Variants in GRM8 observed in about 807,000 individuals in gnomAD.
GRM8 encodes the protein glutamate metabotropic receptor 8, also known as metabotropic glutamate receptor 8.
GRM8 carries 47 observed loss-of-function variants against 87.2 expected under a neutral mutation model. The ratio of observed to expected loss-of-function variants is 0.54; its 90% CI spans 0.43 to 0.69. GRM8 has a LOEUF of 0.69. Ranked by LOEUF, GRM8 falls within the 30% of genes least tolerant of loss-of-function variation. GRM8 has a pLI of 0.00. For missense variants in GRM8, 1,019 were observed against 1,139.2 expected, an observed-to-expected ratio of 0.89 and a Z score of 1.52; for synonymous variants, 396 against 404.5, an observed-to-expected ratio of 0.98 and a Z score of 0.25.
At chr7:126,551,399 C>G (rs1792568468) in intron 8 of GRM8, among the ~76,000 whole-genome samples, 1 of 152,168 alleles carries the variant, frequency 6.6e-6, no homozygotes, top group Admixed American at 6.5e-5. Flanking sequence ...TCCCCTATGA[C>G]TGCCCATGGT....
intron 7 of GRM8, among the ~76,000 whole-genome samples, chr7:126,721,195 G>C (rs1812360331): frequency 6.6e-6 from 1 of 152,110 alleles, no homozygotes; most frequent in African/African-American, 2.4e-5. Context: ...TCAGGGCTTG[G>C]CTTGAATGGT....
intron 2 of GRM8, among the ~76,000 whole-genome samples, chr7:127,153,386 C>A (rs944907253): frequency 5.3e-5 from 8 of 152,082 alleles, no homozygotes; most frequent in Non-Finnish European, 1.5e-5. Flanking sequence ...TGTAGAAGAT[C>A]AAATCCAGAC....
chr7:126,621,731 T>TAA (rs3216288), intron 7 of GRM8, among the ~76,000 whole-genome samples: 19 of 148,166 alleles, frequency 1.3e-4, no homozygotes, highest in Non-Finnish European at 2.2e-4. Context: ...AATCACCATT[T>TAA]AAAAAAAAAA....
chr7:127,089,751 A>G (rs887279204), intron 3 of GRM8, among the ~76,000 whole-genome samples: 1 of 152,234 alleles, frequency 6.6e-6, no homozygotes, highest in Non-Finnish European at 1.5e-5. Context: ...ACAGTGTTGC[A>G]ATCACAGAAT....
chr7:126,895,052 C>T (rs1297690831), intron 6 of GRM8, among the ~76,000 whole-genome samples: 3 of 151,978 alleles, frequency 2.0e-5, no homozygotes, highest in Admixed American at 6.6e-5. Flanking sequence ...CATCTGTGTA[C>T]GTTTCTTTAA....
intron 3 of GRM8, among the ~76,000 whole-genome samples, chr7:127,039,315 A>C (rs1818132827): frequency 6.6e-6 from 1 of 152,138 alleles, no homozygotes; most frequent in Non-Finnish European, 1.5e-5. Flanking sequence ...GGAAATTGGG[A>C]CACAGACACA....
intron 2 of GRM8, among the ~76,000 whole-genome samples, chr7:127,159,193 CTAA>C (rs1184009542): frequency 2.6e-5 from 4 of 152,268 alleles, no homozygotes; most frequent in African/African-American, 9.6e-5. Flanking sequence ...TGTGTGCGAA[CTAA>C]TAATAACAGA....
At chr7:126,963,075 TTTTG>T (rs1242596056) in intron 3 of GRM8, among the ~76,000 whole-genome samples, 4 of 152,084 alleles carry the variant, frequency 2.6e-5, no homozygotes, top group Admixed American at 6.5e-5. Context: ...ACTCACTGAG[TTTTG>T]TTTGTTTGTT....
rs144243971 is a variant in GRM8 at position 126,504,625 on chromosome 7, C to T, written c.2430+28327G>A. ...CACACAATTTACCTATATAACAAAC[C>T]TGCACATGTGCCCCTGAACCCAAAA... On this transcript the variant is annotated intron_variant, in intron 9 of 10. Coordinates refer to ENST00000339582, the MANE Select transcript of GRM8 (RefSeq NM_000845.3). Among the ~76,000 whole-genome samples, 97 of 152,130 alleles carry T rather than the reference C, an allele frequency of 6.4e-4. 1 individual carries two copies. The South Asian group carries it at 7.3e-3, about 11-fold the overall frequency.
At chr7:126,471,929 A>G (rs1805311519) in intron 9 of GRM8, among the ~76,000 whole-genome samples, 2 of 152,092 alleles carry the variant, frequency 1.3e-5, no homozygotes, top group African/African-American at 2.4e-5. Context: ...TTGGATTCCT[A>G]GGTATTTTAT....
At chr7:126,982,535 A>G (rs564545973) in intron 3 of GRM8, among the ~76,000 whole-genome samples, 1 of 152,342 alleles carries the variant, frequency 6.6e-6, no homozygotes, top group South Asian at 2.1e-4. Flanking sequence ...AAACGCACCA[A>G]TCCCCAACCC....
intron 8 of GRM8, among the ~76,000 whole-genome samples, chr7:126,592,757 G>A (rs1264257123): frequency 6.6e-6 from 1 of 151,832 alleles, no homozygotes; most frequent in Non-Finnish European, 1.5e-5. Context: ...GACAAGAGTG[G>A]CCACTCTTGC....
At chr7:126,653,385 AT>A (rs1804156595) in intron 7 of GRM8, among the ~76,000 whole-genome samples, 1 of 152,046 alleles carries the variant, frequency 6.6e-6, no homozygotes, top group Non-Finnish European at 1.5e-5. Flanking sequence ...CATTCAAACC[AT>A]TTATTTCACA....
At chr7:127,211,897 C>T (rs1390870750) in intron 2 of GRM8, among the ~76,000 whole-genome samples, 1 of 152,214 alleles carries the variant, frequency 6.6e-6, no homozygotes, top group Non-Finnish European at 1.5e-5. Flanking sequence ...AACAGACTAA[C>T]ACAACCCTAT....
intron 9 of GRM8, among the ~76,000 whole-genome samples, chr7:126,500,648 C>T (rs1464419767): frequency 6.6e-6 from 1 of 151,956 alleles, no homozygotes; most frequent in Non-Finnish European, 1.5e-5. Context: ...TTAAAATATT[C>T]AGTAAGTTTA....
At chr7:127,091,490 C>T (rs1824075387) in intron 3 of GRM8, among the ~76,000 whole-genome samples, 1 of 87,816 alleles carries the variant, frequency 1.1e-5, no homozygotes, top group South Asian at 6.1e-4. Flanking sequence ...TCACTGATGA[C>T]TAGTCATCCC....
intron 9 of GRM8, among the ~76,000 whole-genome samples, chr7:126,462,902 T>C (rs937426915): frequency 6.6e-6 from 1 of 151,578 alleles, no homozygotes; most frequent in Non-Finnish European, 1.5e-5. Flanking sequence ...ACATTTGTAA[T>C]AGGGAAAAGG....
At chr7:126,474,639 G>GT (rs1290151721) in intron 9 of GRM8, among the ~76,000 whole-genome samples, 1 of 152,140 alleles carries the variant, frequency 6.6e-6, no homozygotes, top group African/African-American at 2.4e-5. Context: ...GAGATAGGCC[G>GT]TGAGTTGAAT....
intron 6 of GRM8, among the ~76,000 whole-genome samples, chr7:126,795,269 C>T (rs1331108778): frequency 6.6e-6 from 1 of 152,092 alleles, no homozygotes; most frequent in African/African-American, 2.4e-5. Flanking sequence ...GCATTAGGCG[C>T]AGAGTTGAAA....
Sources: allele counts gnomAD v4.1 joint callset (sites outside exome capture counted in the v4.1 genomes callset), GRCh38; gene constraint gnomAD v4.1.1; transcripts MANE v1.5; gene names NCBI Gene and HGNC (gene_info 2026-07-23, HGNC 2026-07-21).